Variants in SEPTIN11 observed in about 807,000 individuals in gnomAD.
SEPTIN11 encodes septin-11.
Under a neutral mutation model 51.4 loss-of-function variants are expected in SEPTIN11, and 25 were observed. The observed-to-expected ratio is 0.49, with a 90% confidence interval of 0.35 to 0.68. The LOEUF is 0.68. Ranked by LOEUF, SEPTIN11 falls within the 30% of genes least tolerant of loss-of-function variation. The pLI is 0.00. For missense variants in SEPTIN11, 381 were observed against 520.8 expected, an observed-to-expected ratio of 0.73 and a Z score of 2.61; for synonymous variants, 174 against 184.1, an observed-to-expected ratio of 0.95 and a Z score of 0.44.
Position 77,011,876 on chromosome 4 carries a change from A to G in SEPTIN11, c.480A>G (p.Ser160=). ...CLYFIAPTGH[S]LKSLDLVTMK... ...ACTTTATTGCCCCTACTGGACATTC[A>G]CTAAAGTCCCTGGATCTGGTCACCA... Residue 160 remains serine, a synonymous_variant, in exon 4 of 10, where the codon TCA becomes TCG. Transcript: ENST00000264893. The G allele has an allele frequency of 6.2e-7, 1 of 1,614,094 alleles. No homozygotes were observed. The highest frequency in any genetic ancestry group is 8.5e-7 in the Non-Finnish European group (1 of 1,179,958).
intron 1 of SEPTIN11, among the ~76,000 whole-genome samples, chr4:76,950,720 A>C (rs960586577): frequency 6.6e-6 from 1 of 152,102 alleles, no homozygotes; most frequent in African/African-American, 2.4e-5. Flanking sequence ...CGCCGCGCCT[A>C]CTGGGTTGCA....
At chr4:77,032,152 A>G (rs1332337264) in intron 9 of SEPTIN11, 1 of 152,170 alleles carries the variant, frequency 6.6e-6, no homozygotes, top group Non-Finnish European at 1.5e-5. Context: ...ATGGACTGCT[A>G]CAATGACATA....
chr4:77,020,374 T>C, intron 6 of SEPTIN11, 128 bp from the exon 7 acceptor site: 1 of 1,101,118 alleles, frequency 9.1e-7, no homozygotes, highest in East Asian at 2.4e-5. Context: ...CAGTAAAGGA[T>C]CTTCAGATGG....
At chr4:77,004,367 CA>C (rs1287721314) in intron 2 of SEPTIN11, among the ~76,000 whole-genome samples, 1 of 152,088 alleles carries the variant, frequency 6.6e-6, no homozygotes, top group Admixed American at 6.5e-5. Flanking sequence ...TCTAAGAAGC[CA>C]CAAATGTTTG....
chr4:76,956,402 A>G (rs1162580498), intron 1 of SEPTIN11, among the ~76,000 whole-genome samples: 2 of 152,234 alleles, frequency 1.3e-5, no homozygotes, highest in African/African-American at 4.8e-5. Context: ...TTTTAGACCA[A>G]CATGCATACA....
chr4:76,968,744 A>AGAAT (rs1722128339), intron 1 of SEPTIN11, among the ~76,000 whole-genome samples: 1 of 152,242 alleles, frequency 6.6e-6, no homozygotes, highest in South Asian at 2.1e-4. Context: ...TTGATTTTAC[A>AGAAT]GAATGTCCTA....
At position 77,015,112 on chromosome 4, in the gene SEPTIN11, A is replaced by G. The variant is rs1403455388; in HGVS notation, c.687+95A>G. On this transcript the variant is annotated intron_variant, in intron 5 of 9. Coordinates refer to ENST00000264893, the MANE Select transcript of SEPTIN11 (RefSeq NM_018243.4). Reference sequence around the variant, plus strand: ...TGGCTGGAGCACTGGACTGACTAGGAACCTGATGACTTCAGCTGTAGTCCA... The same window carrying G: ...TGGCTGGAGCACTGGACTGACTAGGGACCTGATGACTTCAGCTGTAGTCCA... The G allele has an allele frequency of 4.1e-6, 5 of 1,226,008 alleles. No individual in the cohort carries two copies. The Admixed American group carries it at 9.1e-5, about 22-fold the overall frequency. The allele number at this position is 1,226,008 out of a possible 1,614,324, so 75.9% of individuals were successfully genotyped here. A position where few individuals can be genotyped will look rare whatever the true frequency, so the allele number is the denominator to read the frequency against.
intron 7 of SEPTIN11, among the ~76,000 whole-genome samples, chr4:77,021,978 C>T (rs1193555784): frequency 7.2e-5 from 11 of 152,210 alleles, no homozygotes; most frequent in Admixed American, 3.3e-4. Context: ...TCTGCCCTGA[C>T]GGCTTGCAAA....
chr4:77,013,700 C>G (rs1725028981), intron 4 of SEPTIN11, among the ~76,000 whole-genome samples: 1 of 152,164 alleles, frequency 6.6e-6, no homozygotes, highest in Non-Finnish European at 1.5e-5. Context: ...AGGTCTTTCT[C>G]TCAGCATGTC....
At chr4:76,960,583 G>C (rs889348358) in intron 1 of SEPTIN11, among the ~76,000 whole-genome samples, 5 of 152,176 alleles carry the variant, frequency 3.3e-5, no homozygotes, top group Non-Finnish European at 5.9e-5. Context: ...CAAAGCTGGG[G>C]GTGATGAAGA....
chr4:77,001,630 G>A (rs1230187541), intron 2 of SEPTIN11, among the ~76,000 whole-genome samples: 1 of 152,190 alleles, frequency 6.6e-6, no homozygotes, highest in Non-Finnish European at 1.5e-5. Flanking sequence ...GATTACAGGC[G>A]TGAGCCACCG....
intron 1 of SEPTIN11, among the ~76,000 whole-genome samples, chr4:76,993,165 G>A (rs1465868401): frequency 6.6e-5 from 10 of 152,180 alleles, no homozygotes; most frequent in Admixed American, 6.5e-4. Context: ...AGAGTTGATG[G>A]TGGGAGGGGA....
Position 77,019,375 on chromosome 4 carries a change from G to A in SEPTIN11, c.784+114G>A, listed in dbSNP as rs557370463. 1.9e-4 allele frequency: 154 copies of A among 803,334 alleles called. 2 individuals are homozygous for A. The South Asian group carries it at 3.0e-3, about 16-fold the overall frequency. 49.8% of individuals were successfully genotyped at this position (803,334 alleles called of 1,614,324 possible). A position where few individuals can be genotyped will look rare whatever the true frequency, so the allele number is the denominator to read the frequency against. On this transcript the variant is annotated intron_variant, in intron 6 of 9. Coordinates refer to ENST00000264893, the MANE Select transcript of SEPTIN11 (RefSeq NM_018243.4). ...GCCCTCAACAGTGGGCTGGCAGTGG[G>A]AGGGAGTGGTGGGGCTCCACATGTG...
intron 1 of SEPTIN11, among the ~76,000 whole-genome samples, chr4:76,995,116 G>C (rs1012134983): frequency 1.3e-5 from 2 of 150,308 alleles, no homozygotes; most frequent in African/African-American, 2.4e-5. Flanking sequence ...GGGTGTGGTG[G>C]CTCATGCCTG....
chr4:77,025,730 G>A (rs1255484954), intron 7 of SEPTIN11, among the ~76,000 whole-genome samples: 1 of 152,132 alleles, frequency 6.6e-6, no homozygotes, highest in Non-Finnish European at 1.5e-5. Context: ...TTATTTGTAA[G>A]TAACTAATTA....
intron 1 of SEPTIN11, among the ~76,000 whole-genome samples, chr4:76,962,919 T>C (rs1721883800): frequency 1.3e-5 from 2 of 152,210 alleles, no homozygotes; most frequent in Admixed American, 6.5e-5. Context: ...TCTCTCATTA[T>C]ATGTAGATAA....
chr4:77,037,788 C>G lies in SEPTIN11; in HGVS notation c.*3276C>G. ...AGATTGTGTTTTCCCAACTTAGGCT[C>G]TTTATTAATTGGTTAAGGTTTTCTC... On this transcript the variant is annotated 3_prime_UTR_variant, in exon 10 of 10. Coordinates refer to ENST00000264893, the MANE Select transcript of SEPTIN11 (RefSeq NM_018243.4). 4.1e-6 allele frequency: 4 copies of G among 985,826 alleles called. No individual in the cohort carries two copies. Among genetic ancestry groups the G allele is most frequent in the Non-Finnish European group, 4.8e-6 (4 of 829,922 alleles). 61.1% of individuals were successfully genotyped at this position (985,826 alleles called of 1,614,324 possible). A position where few individuals can be genotyped will look rare whatever the true frequency, so the allele number is the denominator to read the frequency against.
intron 5 of SEPTIN11, among the ~76,000 whole-genome samples, chr4:77,018,751 G>C (rs1725486145): frequency 6.6e-6 from 1 of 152,068 alleles, no homozygotes; most frequent in Non-Finnish European, 1.5e-5. Context: ...ATGCAGTTTT[G>C]CCAAAACAAT....
At position 77,028,644 on chromosome 4, in the gene SEPTIN11, T is replaced by C. The variant is rs779945546; in HGVS notation, c.969T>C (p.Tyr323=). 5.6e-6 allele frequency: 9 copies of C among 1,611,730 alleles called. No homozygotes were observed. The highest frequency in any genetic ancestry group is 1.3e-5 in the African/African-American group (1 of 74,718). The stretch of plus-strand genomic sequence containing the variant: ...TTTTCAATAGTCTTCAGGAGACATA[T>C]GAAGCAAAAAGGAATGAATTCCTGG... ...DSKPFSLQET[Y]EAKRNEFLGE... is the part of the protein sequence containing the mutation. Residue 323 remains tyrosine (Y), a synonymous_variant, in exon 8 of 10, where the codon TAT becomes TAC. Transcript: ENST00000264893.
Sources: gnomAD v4.1 joint callset for allele counts (sites outside exome capture counted in the v4.1 genomes callset) on GRCh38, gnomAD v4.1.1 for gene constraint, MANE v1.5 for transcripts, NCBI Gene and HGNC (gene_info 2026-07-23, HGNC 2026-07-21) for gene names.